Variants in KCNMA1 observed in about 807,000 individuals in gnomAD.
The protein encoded by KCNMA1 is potassium calcium-activated channel subfamily M alpha 1.
A neutral mutation model predicts 140.0 loss-of-function variants in KCNMA1; 29 were observed. The ratio of observed to expected loss-of-function variants is 0.21; its 90% confidence interval spans 0.15 to 0.28. The LOEUF is 0.28. KCNMA1 is among the 10% of genes least tolerant of loss of function. The pLI is 1.00. For missense variants in KCNMA1, 880 were observed against 1,602.2 expected (o/e 0.55, Z 7.70); for synonymous variants, 612 against 611.9 (o/e 1.00, Z 0.00).
intron 2 of KCNMA1, among the ~76,000 whole-genome samples, chr10:77,360,914 C>T (rs1055945157): frequency 6.6e-6 from 1 of 152,096 alleles, no homozygotes; most frequent in Admixed American, 6.5e-5. Flanking sequence ...GATGAGGGAG[C>T]CGCAATGATC....
Position 77,003,393 on chromosome 10 carries a change from C to G in KCNMA1, c.2093-1813G>C, listed in dbSNP as rs529562709. ...GGCATGGTGTGAATGCCCAGACATC[C>G]CAAACAAACAGCAACGGCTGAAGTC... On this transcript the variant is annotated intron_variant, in intron 18 of 27. Transcript: ENST00000286628. Among the ~76,000 whole-genome samples, 47 of 152,222 alleles carry G rather than the reference C, an allele frequency of 3.1e-4. 2 individuals carry two copies. The highest frequency in any genetic ancestry group is 1.1e-3 in the African/African-American group (45 of 41,532).
intron 2 of KCNMA1, among the ~76,000 whole-genome samples, chr10:77,370,688 C>T (rs1423347761): frequency 6.6e-6 from 1 of 152,170 alleles, no homozygotes; most frequent in Non-Finnish European, 1.5e-5. Flanking sequence ...GATGACCTAT[C>T]CAAGTTCACA....
At chr10:76,905,440 C>G (rs1487160555) in intron 25 of KCNMA1, among the ~76,000 whole-genome samples, 1 of 152,166 alleles carries the variant, frequency 6.6e-6, no homozygotes, top group Non-Finnish European at 1.5e-5. Context: ...GTGTCTCATT[C>G]CAGACTTAGA....
intron 2 of KCNMA1, among the ~76,000 whole-genome samples, chr10:77,375,142 G>A (rs2154419386): frequency 1.3e-5 from 2 of 152,180 alleles, no homozygotes; most frequent in East Asian, 3.9e-4. Context: ...AAGGCATGGA[G>A]CTGTGGCACC....
intron 1 of KCNMA1, among the ~76,000 whole-genome samples, chr10:77,629,727 T>C (rs2092962820): frequency 6.6e-6 from 1 of 152,212 alleles, no homozygotes; most frequent in African/African-American, 2.4e-5. Context: ...TGGGTCTTAA[T>C]TATTTTTCCC....
At chr10:77,537,571 T>A (rs1374474340) in intron 1 of KCNMA1, among the ~76,000 whole-genome samples, 2 of 152,176 alleles carry the variant, frequency 1.3e-5, no homozygotes, top group African/African-American at 4.8e-5. Flanking sequence ...CTCAGAATTC[T>A]CTATTTCTTC....
At chr10:77,387,140 G>A (rs2095631239) in intron 2 of KCNMA1, among the ~76,000 whole-genome samples, 1 of 152,162 alleles carries the variant, frequency 6.6e-6, no homozygotes, top group African/African-American at 2.4e-5. Flanking sequence ...AATTGTGCTT[G>A]CATTTCTGTT....
At chr10:77,452,512 C>T (rs1405058905) in intron 1 of KCNMA1, among the ~76,000 whole-genome samples, 4 of 152,164 alleles carry the variant, frequency 2.6e-5, no homozygotes, top group Non-Finnish European at 5.9e-5. Flanking sequence ...TTGCATCTAG[C>T]TACTGGGATA....
chr10:76,891,696 G>A lies in KCNMA1; in HGVS notation c.3171C>T (p.Leu1057=), dbSNP rs887859136. 6.2e-7 allele frequency: 1 copy of A among 1,613,900 alleles called. No individual in the cohort carries two copies. Among genetic ancestry groups the A allele is most frequent in the Non-Finnish European group, 8.5e-7 (1 of 1,179,994 alleles). The change falls in exon 26 of 28, where the codon CTC becomes CTT. Residue 1057 remains leucine, a synonymous_variant. Coordinates refer to ENST00000286628, the MANE Select transcript of KCNMA1 (RefSeq NM_001161352.2). ...MSATYFNDNI[L]TLIRTLVTGG... ...CGGTCACCAGGGTCCGTATCAGGGTGAGGATATTGTCATTGAAGTACGTCT... is the reference window on the plus strand; with the variant it reads ...CGGTCACCAGGGTCCGTATCAGGGTAAGGATATTGTCATTGAAGTACGTCT...
chr10:77,582,997 T>A (rs2076293311), intron 1 of KCNMA1, among the ~76,000 whole-genome samples: 1 of 152,182 alleles, frequency 6.6e-6, no homozygotes, highest in Non-Finnish European at 1.5e-5. Context: ...TACGAGAGCA[T>A]CTCCCTCCCC....
At chr10:77,507,143 TAAA>T (rs2154547251) in intron 1 of KCNMA1, among the ~76,000 whole-genome samples, 1 of 152,364 alleles carries the variant, frequency 6.6e-6, no homozygotes, top group African/African-American at 2.4e-5. Context: ...TTTTTAAATT[TAAA>T]AACAAATGCT....
intron 1 of KCNMA1, among the ~76,000 whole-genome samples, chr10:77,500,304 T>C (rs556694106): frequency 8.5e-4 from 129 of 151,816 alleles, no homozygotes; most frequent in African/African-American, 3.0e-3. Flanking sequence ...ATAAGAAATA[T>C]ACCCTAAACC....
chr10:77,471,630 T>A (rs918055148), intron 1 of KCNMA1, among the ~76,000 whole-genome samples: 1 of 138,902 alleles, frequency 7.2e-6, no homozygotes, highest in Non-Finnish European at 1.6e-5. Flanking sequence ...ACATACATAA[T>A]ACACACCCAA....
chr10:77,415,277 T>C (rs1461571095), intron 1 of KCNMA1, among the ~76,000 whole-genome samples: 1 of 152,238 alleles, frequency 6.6e-6, no homozygotes, highest in Non-Finnish European at 1.5e-5. Flanking sequence ...TCTCCTTCTC[T>C]TTCAATTAGC....
intron 1 of KCNMA1, among the ~76,000 whole-genome samples, chr10:77,628,798 C>T (rs1474430350): frequency 6.6e-6 from 1 of 152,058 alleles, no homozygotes; most frequent in African/African-American, 2.4e-5. Context: ...CCCTATTGTG[C>T]TAGAAACCAA....
At position 77,010,511 on chromosome 10, in the gene KCNMA1, T is replaced by A. The variant is rs184947806; in HGVS notation, c.2092+1456A>T. On this transcript the variant is annotated intron_variant, in intron 18 of 27. Coordinates refer to ENST00000286628, the MANE Select transcript of KCNMA1 (RefSeq NM_001161352.2). Reference sequence around the variant, plus strand: ...CTTGTTTTGAGATATCAATAAATACTCATCTCGATAAGAGTCTGGGGGAAG... The same window carrying A: ...CTTGTTTTGAGATATCAATAAATACACATCTCGATAAGAGTCTGGGGGAAG... Among the ~76,000 whole-genome samples the A allele has an allele frequency of 2.3e-3, 356 of 152,188 alleles. 1 individual carries two copies. Among genetic ancestry groups the A allele is most frequent in the Non-Finnish European group, 3.7e-3 (254 of 68,020 alleles).
chr10:77,587,477 C>T (rs759115459), intron 1 of KCNMA1, among the ~76,000 whole-genome samples: 1 of 152,160 alleles, frequency 6.6e-6, no homozygotes, highest in Non-Finnish European at 1.5e-5. Context: ...ACTTCTATGG[C>T]TTTGCATTAT....
chr10:77,090,654 C>G, intron 9 of KCNMA1, 144 bp from the exon 10 acceptor site: 1 of 675,484 alleles, frequency 1.5e-6, no homozygotes, highest in Non-Finnish European at 2.7e-6. Flanking sequence ...CAGCTCCCAT[C>G]CCCAGAGGGC....
intron 2 of KCNMA1, among the ~76,000 whole-genome samples, chr10:77,346,401 T>G (rs2092143227): frequency 6.6e-6 from 1 of 152,302 alleles, no homozygotes; most frequent in Non-Finnish European, 1.5e-5. Flanking sequence ...CCTCCCTCCC[T>G]CCTATTCCAG....
Sources: gnomAD v4.1 joint callset for allele counts (sites outside exome capture counted in the v4.1 genomes callset) on GRCh38, gnomAD v4.1.1 for gene constraint, MANE v1.5 for transcripts, NCBI Gene and HGNC (gene_info 2026-07-23, HGNC 2026-07-21) for gene names.